OSBPL10: variants seen among roughly 807,000 people sequenced by gnomAD.
OSBPL10 encodes oxysterol-binding protein-related protein 10.
A neutral mutation model predicts 81.7 loss-of-function variants in OSBPL10; 49 were observed. The ratio of observed to expected loss-of-function variants is 0.60; its 90% CI spans 0.48 to 0.76. The LOEUF is 0.76. Ranked by LOEUF, OSBPL10 falls within the 30% of genes least tolerant of loss-of-function variation. The probability of loss-of-function intolerance (pLI) is 0.00; values close to 1 mark genes in which losing one functional copy is unlikely to be tolerated. For synonymous variants in OSBPL10, 419 were observed against 383.6 expected, an observed-to-expected ratio of 1.09 and a Z score of -1.08; for missense variants, 923 against 987.8, an observed-to-expected ratio of 0.93 and a Z score of 0.88.
At chr3:31,733,168 A>C (rs1697029471) in intron 6 of OSBPL10, 89 bp downstream of exon 6, 1 of 1,535,008 alleles carries the variant, frequency 6.5e-7, no homozygotes. Context: ...CTTAAAACAA[A>C]GAGATGAGCA....
intron 8 of OSBPL10, among the ~76,000 whole-genome samples, chr3:31,677,372 G>A (rs1700506013): frequency 6.6e-6 from 1 of 152,106 alleles, no homozygotes. Flanking sequence ...CAAACTCAAG[G>A]CCTCACAAGA....
chr3:32,047,824 G>A (rs1166673984), intron 1 of OSBPL10, among the ~76,000 whole-genome samples: 1 of 151,994 alleles, frequency 6.6e-6, no homozygotes, highest in African/African-American at 2.4e-5. Flanking sequence ...CACTACGCCT[G>A]GCTAATTTTT....
At chr3:32,042,808 G>A (rs1442980412) in intron 2 of OSBPL10, among the ~76,000 whole-genome samples, 1 of 152,040 alleles carries the variant, frequency 6.6e-6, no homozygotes, top group Non-Finnish European at 1.5e-5. Context: ...GCAAAAAGGA[G>A]AACAAAGATC....
At chr3:31,884,465 C>T (rs1303451501) in intron 1 of OSBPL10, among the ~76,000 whole-genome samples, 1 of 152,220 alleles carries the variant, frequency 6.6e-6, no homozygotes, top group Non-Finnish European at 1.5e-5. Context: ...GTTCTTTCAG[C>T]ATGGCCTCTG....
chr3:31,977,824 G>T (rs1322158429), intron 1 of OSBPL10, among the ~76,000 whole-genome samples: 5 of 152,068 alleles, frequency 3.3e-5, no homozygotes, highest in African/African-American at 4.8e-5. Context: ...CTATAATAAT[G>T]AATGACAGAA....
Position 31,959,812 on chromosome 3 carries a change from G to A in OSBPL10, c.281+21087C>T, listed in dbSNP as rs145369151. ...AAACAGAACTTGGGCAAGTTCACCTGAGCACCTTCAAGCCTCAGAATAATG... is the reference window on the plus strand; with the variant it reads ...AAACAGAACTTGGGCAAGTTCACCTAAGCACCTTCAAGCCTCAGAATAATG... On this transcript the variant is annotated intron_variant, in intron 1 of 11. Transcript: ENST00000396556. Among the ~76,000 whole-genome samples, 986 of 152,224 alleles carry A rather than the reference G, an allele frequency of 6.5e-3. 9 individuals carry two copies. The highest frequency in any genetic ancestry group is 0.023 in the African/African-American group (950 of 41,522).
At chr3:31,860,156 C>T (rs1007110874) in intron 3 of OSBPL10, among the ~76,000 whole-genome samples, 6 of 150,866 alleles carry the variant, frequency 4.0e-5, no homozygotes, top group African/African-American at 1.5e-4. Context: ...CCTAAAAGGC[C>T]TTGTATTTGA....
chr3:32,041,698 C>T (rs990338377), intron 2 of OSBPL10, among the ~76,000 whole-genome samples: 1 of 151,860 alleles, frequency 6.6e-6, no homozygotes, highest in African/African-American at 2.4e-5. Context: ...CTTGCTGTCA[C>T]TCAGGCTGGA....
At chr3:31,974,470 G>A (rs547637435) in intron 1 of OSBPL10, among the ~76,000 whole-genome samples, 1 of 152,110 alleles carries the variant, frequency 6.6e-6, no homozygotes, top group Admixed American at 6.5e-5. Flanking sequence ...CTATGAATAG[G>A]GTCAAAAACT....
At chr3:32,016,265 T>C (rs1436976983) in intron 2 of OSBPL10, among the ~76,000 whole-genome samples, 1 of 152,106 alleles carries the variant, frequency 6.6e-6, no homozygotes, top group African/African-American at 2.4e-5. Context: ...ACTATGCAGC[T>C]ATAAAAAATG....
chr3:31,787,507 A>G (rs1256005869), intron 4 of OSBPL10, among the ~76,000 whole-genome samples: 1 of 152,040 alleles, frequency 6.6e-6, no homozygotes, highest in African/African-American at 2.4e-5. Flanking sequence ...AGGCAGGAGA[A>G]TCGCTTGAAC....
chr3:32,047,481 G>A (rs1441028335), intron 1 of OSBPL10, among the ~76,000 whole-genome samples: 1 of 152,092 alleles, frequency 6.6e-6, no homozygotes, highest in Non-Finnish European at 1.5e-5. Context: ...ACCATATAGT[G>A]GAACTTCCTG....
chr3:31,728,604 A>G (rs1349899499), intron 6 of OSBPL10, among the ~76,000 whole-genome samples: 1 of 152,248 alleles, frequency 6.6e-6, no homozygotes, highest in Non-Finnish European at 1.5e-5. Context: ...AGAATGATTC[A>G]CATAACATGG....
At chr3:31,666,188 C>T (rs939294065) in intron 10 of OSBPL10, among the ~76,000 whole-genome samples, 1 of 152,198 alleles carries the variant, frequency 6.6e-6, no homozygotes, top group African/African-American at 2.4e-5. Context: ...GCAGGACTGG[C>T]ATCCCTGGGT....
At chr3:31,855,014 G>GTT (rs1463770952) in intron 3 of OSBPL10, among the ~76,000 whole-genome samples, 1 of 151,940 alleles carries the variant, frequency 6.6e-6, no homozygotes, top group Non-Finnish European at 1.5e-5. Flanking sequence ...GTTTTGTTTT[G>GTT]TTTTGTTTTG....
intron 2 of OSBPL10, among the ~76,000 whole-genome samples, chr3:32,005,368 C>T (rs1699194089): frequency 6.6e-6 from 1 of 152,136 alleles, no homozygotes; most frequent in Non-Finnish European, 1.5e-5. Context: ...AGTAAATGCT[C>T]AGATGCCTCC....
intron 6 of OSBPL10, among the ~76,000 whole-genome samples, chr3:31,726,296 A>G (rs550265012): frequency 6.6e-6 from 1 of 151,234 alleles, no homozygotes; most frequent in South Asian, 2.1e-4. Context: ...TCCCAAACAA[A>G]AAGTGTCTTT....
chr3:31,930,044 G>A (rs1435763187), intron 1 of OSBPL10, among the ~76,000 whole-genome samples: 1 of 145,424 alleles, frequency 6.9e-6, no homozygotes, highest in African/African-American at 2.5e-5. Flanking sequence ...GGTGGCCTAC[G>A]CCTGTAATAC....
At chr3:31,862,311 C>A (rs2125599478) in intron 3 of OSBPL10, among the ~76,000 whole-genome samples, 1 of 152,226 alleles carries the variant, frequency 6.6e-6, no homozygotes, top group African/African-American at 2.4e-5. Flanking sequence ...CATAGACATG[C>A]AAAGTATAAG....
Sources: gnomAD v4.1 joint callset for allele counts (sites outside exome capture counted in the v4.1 genomes callset) on GRCh38, gnomAD v4.1.1 for gene constraint, MANE v1.5 for transcripts, NCBI Gene and HGNC (gene_info 2026-07-23, HGNC 2026-07-21) for gene names.